The following OSBPL9 variants were observed in gnomAD, a reference collection of about 807,000 sequenced individuals.
OSBPL9 encodes the protein oxysterol-binding protein-related protein 9.
In OSBPL9, 40 loss-of-function variants were observed where a neutral mutation model predicts 106.6. That is an observed-to-expected ratio of 0.38 (90% CI 0.29 to 0.49). OSBPL9 has a LOEUF of 0.49. Among genes scored for constraint, OSBPL9 ranks in the 20% least tolerant of loss-of-function variants. The pLI is 0.97. For synonymous variants in OSBPL9, 269 were observed against 295.4 expected (o/e 0.91, Z 0.92); for missense variants, 609 against 887.2 (o/e 0.69, Z 3.98).
At chr1:51,745,823 TA>T (rs1250426225) in intron 5 of OSBPL9, among the ~76,000 whole-genome samples, 192 bp downstream of exon 5, 2 of 152,154 alleles carry the variant, frequency 1.3e-5, no homozygotes, top group African/African-American at 4.8e-5. Context: ...GTAAATAGCA[TA>T]TTTACATAAT....
Position 51,789,029 on chromosome 1 carries a change from C to T in OSBPL9, c.*1240C>T, listed in dbSNP as rs141789192. Among the ~76,000 whole-genome samples, 336 of 152,270 alleles carry T rather than the reference C, an allele frequency of 2.2e-3. No individual in the cohort carries two copies. The highest frequency in any genetic ancestry group is 3.7e-3 in the Non-Finnish European group (255 of 68,030). On this transcript the variant is annotated 3_prime_UTR_variant, in exon 24 of 24. Coordinates refer to ENST00000428468, the MANE Select transcript of OSBPL9 (RefSeq NM_024586.6). ...CTGCAGGCTTTCTGGTCTCGCTTGG[C>T]CCATTCTGCTAATTTTCCTTTGCCA...
chr1:51,729,623 C>A lies in OSBPL9; in HGVS notation c.318+15544C>A, dbSNP rs1342593242. 3 of 229,098 alleles carry A rather than the reference C, an allele frequency of 1.3e-5. No individual in the cohort carries two copies. In the Admixed American group the frequency reaches 1.8e-4, roughly 13 times the overall value. 14.2% of individuals were successfully genotyped at this position (229,098 alleles called of 1,614,324 possible). A position where few individuals can be genotyped will look rare whatever the true frequency, so the allele number is the denominator to read the frequency against. ...CCGGACGCCCTCCCGCCGCTGCGCACCCCTCCCGCGAGCTGCCAGCTCCCT... is the reference window on the plus strand; with the variant it reads ...CCGGACGCCCTCCCGCCGCTGCGCAACCCTCCCGCGAGCTGCCAGCTCCCT... On this transcript the variant is annotated intron_variant, in intron 4 of 23. Coordinates refer to ENST00000428468, the MANE Select transcript of OSBPL9 (RefSeq NM_024586.6). This position sits in a 1 kb window ranked among gnomAD's most constrained non-coding sequence, Gnocchi z 5.1.
chr1:51,662,068 G>A (rs747314631), intron 2 of OSBPL9, among the ~76,000 whole-genome samples: 32 of 152,284 alleles, frequency 2.1e-4, no homozygotes, highest in Non-Finnish European at 3.1e-4. Flanking sequence ...GGCAAACCAG[G>A]TCGTATGGTC....
At chr1:51,522,184 G>C in the OSBPL9 span, among the ~76,000 whole-genome samples, 2 of 152,010 alleles carry the variant, frequency 1.3e-5, no homozygotes, top group Non-Finnish European at 2.9e-5. Context: ...GAAAATCAAG[G>C]AACAAATATT....
the OSBPL9 span, among the ~76,000 whole-genome samples, chr1:51,548,052 A>G: frequency 6.6e-6 from 1 of 151,978 alleles, no homozygotes; most frequent in African/African-American, 2.4e-5. Flanking sequence ...TCTACACTGA[A>G]TACCTATTAA....
intron 3 of OSBPL9, among the ~76,000 whole-genome samples, chr1:51,705,706 C>T (rs1419490475): frequency 2.6e-5 from 4 of 152,040 alleles, no homozygotes; most frequent in Non-Finnish European, 5.9e-5. Flanking sequence ...TGAGCCACCA[C>T]GCCTGGCCCC....
intron 1 of OSBPL9, among the ~76,000 whole-genome samples, chr1:51,629,180 C>T (rs1356920434): frequency 1.3e-5 from 2 of 152,090 alleles, no homozygotes; most frequent in African/African-American, 2.4e-5. Flanking sequence ...GGCCTCTCAC[C>T]CTCAGTTGCT....
At chr1:51,651,889 G>T in intron 1 of OSBPL9, 102 bp from the exon 2 acceptor site, 1 of 818,156 alleles carries the variant, frequency 1.2e-6, no homozygotes. Flanking sequence ...CAGAAGGGAT[G>T]GGTATTACTG....
chr1:51,642,895 G>A (rs772108964), intron 1 of OSBPL9, among the ~76,000 whole-genome samples: 4 of 152,160 alleles, frequency 2.6e-5, no homozygotes, highest in Non-Finnish European at 5.9e-5. Context: ...GGACCCTAGA[G>A]CTTTTTAGAA....
In OSBPL9 at chr1:51,709,496, C is replaced by T. The variant is rs79618459; in HGVS notation, c.242-4507C>T. The T allele has an allele frequency of 6.1e-3, 939 of 152,892 alleles. 13 individuals are homozygous for T. Among genetic ancestry groups the T allele is most frequent in the Non-Finnish European group, 1.0e-2 (682 of 68,376 alleles). The allele number at this position is 152,892 out of a possible 1,614,324, so 9.5% of individuals were successfully genotyped here. On this transcript the variant is annotated intron_variant, in intron 3 of 23. Transcript: ENST00000428468. The stretch of plus-strand genomic sequence containing the variant: ...TTGCCAGAACCTGCCTGGCAGCCAA[C>T]GTTGGGAAATTGGGCATATAGTGGG...
intron 1 of OSBPL9, among the ~76,000 whole-genome samples, chr1:51,651,744 A>G (rs770505531): frequency 6.6e-6 from 1 of 152,226 alleles, no homozygotes; most frequent in Admixed American, 6.5e-5. Context: ...GAAAATAATG[A>G]TGTAATATAT....
chr1:51,721,691 G>A (rs977670359), intron 4 of OSBPL9, among the ~76,000 whole-genome samples: 3 of 152,104 alleles, frequency 2.0e-5, no homozygotes, highest in East Asian at 3.9e-4. Context: ...ATAAGGATCG[G>A]TTTATCACAA....
rs887942760 is a variant in OSBPL9 at position 51,586,411 on chromosome 1, A to T, written c.-423+9155A>T. On this transcript the variant is annotated intron_variant, in intron 1 of 25. Coordinates refer to the OSBPL9 transcript ENST00000371714. ...CCCCATGACATTAAAAACTTCCCAA[A>T]CATTCTATGGATATATCATACTTTA... Among the ~76,000 whole-genome samples the T allele has an allele frequency of 3.3e-5, 5 of 152,108 alleles. No homozygotes were observed. The East Asian group carries it at 9.6e-4, about 29-fold the overall frequency.
At chr1:51,607,327 A>G (rs1643956115) in intron 2 of OSBPL9, among the ~76,000 whole-genome samples, 1 of 151,702 alleles carries the variant, frequency 6.6e-6, no homozygotes, top group Non-Finnish European at 1.5e-5. Flanking sequence ...ACACCCAGCT[A>G]ATTTTTGTAC....
intron 1 of OSBPL9, among the ~76,000 whole-genome samples, chr1:51,634,313 T>A (rs1645288843): frequency 6.6e-6 from 1 of 152,226 alleles, no homozygotes; most frequent in South Asian, 2.1e-4. Flanking sequence ...GTACTGATGG[T>A]GGAGGAGCAT....
chr1:51,607,192 C>A (rs1227227551), intron 2 of OSBPL9, among the ~76,000 whole-genome samples: 1 of 130,650 alleles, frequency 7.7e-6, no homozygotes, highest in African/African-American at 3.0e-5. Context: ...GAGACAGAGT[C>A]ATGCTCTGTC....
chr1:51,583,748 G>C (rs1645233611), intron 1 of OSBPL9: 1 of 152,278 alleles, frequency 6.6e-6, no homozygotes, highest in Admixed American at 6.5e-5. Context: ...AGCTGTCCTC[G>C]GTGGGTCTGA....
chr1:51,549,693 G>A, the OSBPL9 span, among the ~76,000 whole-genome samples: 2 of 152,258 alleles, frequency 1.3e-5, no homozygotes, highest in South Asian at 4.1e-4. Context: ...TTAGCCAGAT[G>A]TGGTGGCACA....
intron 1 of OSBPL9, among the ~76,000 whole-genome samples, chr1:51,584,172 T>C (rs1452942818): frequency 6.6e-6 from 1 of 152,154 alleles, no homozygotes; most frequent in Non-Finnish European, 1.5e-5. Flanking sequence ...TATTTTAATA[T>C]GCCAGTCCCT....
Sources: allele counts gnomAD v4.1 joint callset (sites outside exome capture counted in the v4.1 genomes callset), GRCh38; gene constraint gnomAD v4.1.1; non-coding constraint Gnocchi (gnomAD v3.1); transcripts MANE v1.5; gene names NCBI Gene and HGNC (gene_info 2026-07-23, HGNC 2026-07-21).